Variants in NEGR1 observed in about 807,000 individuals in gnomAD.
NEGR1 encodes neuronal growth regulator 1.
Under a neutral mutation model 40.9 loss-of-function variants are expected in NEGR1, and 10 were observed. That is an observed-to-expected ratio of 0.24 (90% CI 0.15 to 0.42). The LOEUF (loss-of-function observed/expected upper bound fraction) is 0.42, where lower values mean the gene tolerates loss of function less well. NEGR1 is among the 10% of genes least tolerant of loss of function. The pLI is 1.00. For synonymous variants in NEGR1, 185 were observed against 166.8 expected (o/e 1.11, Z -0.84); for missense variants, 352 against 438.9 (o/e 0.80, Z 1.77).
intron 1 of NEGR1, among the ~76,000 whole-genome samples, chr1:72,278,423 G>C (rs1221918842): frequency 6.6e-6 from 1 of 152,078 alleles, no homozygotes; most frequent in Non-Finnish European, 1.5e-5. Flanking sequence ...GGCACTGGGA[G>C]AATGTAAATG....
intron 1 of NEGR1, among the ~76,000 whole-genome samples, chr1:72,143,253 T>C (rs1650755113): frequency 6.6e-6 from 1 of 152,014 alleles, no homozygotes; most frequent in Non-Finnish European, 1.5e-5. Flanking sequence ...ACTTTGTTTA[T>C]ATATGCCAGC....
chr1:71,586,565 GCTAA>G, intron 6 of NEGR1, among the ~76,000 whole-genome samples: 1 of 152,140 alleles, frequency 6.6e-6, no homozygotes, highest in African/African-American at 2.4e-5. Context: ...CTAAAGCTCC[GCTAA>G]CTGATATGTG....
chr1:71,928,314 A>ATG (rs371283341), intron 2 of NEGR1, among the ~76,000 whole-genome samples: 1 of 99,050 alleles, frequency 1.0e-5, no homozygotes, highest in Admixed American at 1.1e-4. Flanking sequence ...ATACACACAT[A>ATG]TGTATATACG....
intron 4 of NEGR1, among the ~76,000 whole-genome samples, chr1:71,647,311 G>A (rs1348211794): frequency 6.6e-6 from 1 of 151,704 alleles, no homozygotes; most frequent in Non-Finnish European, 1.5e-5. Flanking sequence ...TCCAGCCCAG[G>A]GGTCCTTAAC....
chr1:71,723,162 C>T (rs533118268), intron 3 of NEGR1, among the ~76,000 whole-genome samples: 2 of 152,080 alleles, frequency 1.3e-5, no homozygotes, highest in Non-Finnish European at 2.9e-5. Context: ...GTTGTGATTG[C>T]TGTTGTTTTA....
At chr1:71,876,495 G>T (rs1660434055) in intron 2 of NEGR1, among the ~76,000 whole-genome samples, 1 of 151,548 alleles carries the variant, frequency 6.6e-6, no homozygotes, top group African/African-American at 2.4e-5. Context: ...GATAGAGTGA[G>T]ACCCTGTCTG....
intron 3 of NEGR1, among the ~76,000 whole-genome samples, chr1:71,719,603 A>G (rs1654430230): frequency 6.6e-6 from 1 of 151,822 alleles, no homozygotes; most frequent in South Asian, 2.1e-4. Context: ...GTTTCTGGAC[A>G]GACTAGACAG....
chr1:71,776,563 A>T (rs1264391077), intron 2 of NEGR1, among the ~76,000 whole-genome samples: 1 of 152,204 alleles, frequency 6.6e-6, no homozygotes, highest in East Asian at 1.9e-4. Context: ...CATTGATTAA[A>T]TATGTATTAT....
rs770161360 is a variant in NEGR1 at position 72,011,825 on chromosome 1, CA to C, written c.177-76515del. On this transcript the variant is annotated intron_variant, in intron 1 of 6. Transcript: ENST00000357731. ...TGCCTAGAAGAACACTACACAAAGG[CA>C]CAAAGGCAAACGAATAAAATAGCCT... is the stretch of plus-strand genomic sequence containing the variant. Among the ~76,000 whole-genome samples, 25 of 152,160 alleles carry C rather than the reference CA, an allele frequency of 1.6e-4. No homozygotes were observed. The East Asian group carries it at 4.6e-3, about 28-fold the overall frequency.
At chr1:71,868,870 C>G (rs1319608514) in intron 2 of NEGR1, among the ~76,000 whole-genome samples, 5 of 152,172 alleles carry the variant, frequency 3.3e-5, no homozygotes, top group Non-Finnish European at 7.4e-5. Flanking sequence ...ACCACTTTCC[C>G]CTCAAATACG....
rs1238648023 is a variant in NEGR1, at chr1:71,460,240, T to G, written c.941-52670A>C. Among the ~76,000 whole-genome samples, 3 of 152,200 alleles carry G rather than the reference T, an allele frequency of 2.0e-5. No individual in the cohort carries two copies. In the South Asian group the frequency reaches 6.2e-4, roughly 31 times the overall value. ...ATAGCATTTCTGTGGTGGGATAGTG[T>G]TGTTGACATCGGTCCAAGTACAAGC... On this transcript the variant is annotated intron_variant, in intron 6 of 6. Transcript: ENST00000357731.
At chr1:71,795,898 A>G (rs1427881186) in intron 2 of NEGR1, among the ~76,000 whole-genome samples, 3 of 152,182 alleles carry the variant, frequency 2.0e-5, no homozygotes, top group Non-Finnish European at 4.4e-5. Context: ...TATACTGTGA[A>G]ATACAGAGCT....
chr1:71,597,472 C>CTCTGTGTGTGTGTGTGTGTGTG (rs756076229), intron 5 of NEGR1, among the ~76,000 whole-genome samples: 45 of 31,322 alleles, frequency 1.4e-3, no homozygotes, highest in African/African-American at 4.1e-3. Context: ...CTCTCTCTCT[C>CTCTGTGTGTGTGTGTGTGTGTG]TGTGTGTGTG....
intron 1 of NEGR1, among the ~76,000 whole-genome samples, chr1:71,938,470 T>G (rs1460454377): frequency 4.6e-5 from 7 of 151,026 alleles, no homozygotes; most frequent in African/African-American, 1.5e-4. Context: ...AACTATGTCT[T>G]CTTCCTCTGT....
intron 3 of NEGR1, among the ~76,000 whole-genome samples, chr1:71,706,820 A>C (rs1195382037): frequency 6.6e-6 from 1 of 151,858 alleles, no homozygotes; most frequent in African/African-American, 2.4e-5. Flanking sequence ...ACTAAGGAAC[A>C]CTGGGCCCTG....
At chr1:72,148,467 T>A (rs1650994164) in intron 1 of NEGR1, among the ~76,000 whole-genome samples, 1 of 152,120 alleles carries the variant, frequency 6.6e-6, no homozygotes, top group African/African-American at 2.4e-5. Flanking sequence ...GGGACTAACA[T>A]TAGGCTCCTT....
chr1:71,827,238 C>T (rs879614541), intron 2 of NEGR1, among the ~76,000 whole-genome samples: 13 of 151,454 alleles, frequency 8.6e-5, no homozygotes, highest in Admixed American at 8.6e-4. Flanking sequence ...AATAAAAAGT[C>T]TTTCCTTTAA....
chr1:71,620,880 G>A (rs1294916690), intron 4 of NEGR1, among the ~76,000 whole-genome samples: 1 of 151,880 alleles, frequency 6.6e-6, no homozygotes, highest in African/African-American at 2.4e-5. Context: ...ACTGTCTGAA[G>A]TACTTAACCC....
intron 1 of NEGR1, among the ~76,000 whole-genome samples, chr1:72,241,713 T>C (rs1654751253): frequency 6.6e-6 from 1 of 151,640 alleles, no homozygotes; most frequent in Non-Finnish European, 1.5e-5. Flanking sequence ...ATTCCAGGTA[T>C]ATATTCCTTC....
Sources: allele counts gnomAD v4.1 joint callset (sites outside exome capture counted in the v4.1 genomes callset), GRCh38; gene constraint gnomAD v4.1.1; transcripts MANE v1.5; gene names NCBI Gene and HGNC (gene_info 2026-07-23, HGNC 2026-07-21).